The following LGR4 variants were observed in gnomAD, a reference collection of about 807,000 sequenced individuals.
LGR4 encodes the protein leucine rich repeat containing G protein-coupled receptor 4, also known as leucine-rich repeat-containing G protein-coupled receptor 4.
A neutral mutation model predicts 84.8 loss-of-function variants in LGR4; 44 were observed. The ratio of observed to expected loss-of-function variants is 0.52; its 90% confidence interval spans 0.41 to 0.67. The LOEUF (loss-of-function observed/expected upper bound fraction) is 0.67. LGR4 is among the 30% of genes least tolerant of loss of function. The probability of loss-of-function intolerance (pLI) is 0.00; values close to 1 mark genes in which losing one functional copy is unlikely to be tolerated. For missense variants in LGR4, 1,032 were observed against 1,131.4 expected (o/e 0.91, Z 1.26); for synonymous variants, 429 against 434.3 (o/e 0.99, Z 0.15).
intron 1 of LGR4, among the ~76,000 whole-genome samples, chr11:27,440,402 C>A (rs1335563304): frequency 2.0e-5 from 3 of 152,074 alleles, no homozygotes; most frequent in Admixed American, 1.3e-4. Context: ...CTATGTGACA[C>A]CTGTTTGTAT....
chr11:27,392,456 A>G lies in LGR4; in HGVS notation c.320T>C (p.Leu107Pro). 6.3e-7 allele frequency: 1 copy of G among 1,592,586 alleles called. No individual in the cohort carries two copies. Among genetic ancestry groups the G allele is most frequent in the Non-Finnish European group, 8.5e-7 (1 of 1,172,930 alleles). The part of the protein sequence containing the change: ...HPKALSGLKE[L>P]KVLTLQNNQL... ...AAATTGCATTACTTACAGAACTTTG[A>G]GTTCTTTCAACCCAGACAAGGCCTT... The change falls in exon 3 of 18, where the codon CTC (leucine) becomes CCC (proline). Residue 107 changes from leucine (L) to proline (P), a missense_variant. Transcript: ENST00000379214.
At chr11:27,453,969 A>G (rs1391081337) in intron 1 of LGR4, among the ~76,000 whole-genome samples, 1 of 152,182 alleles carries the variant, frequency 6.6e-6, no homozygotes, top group Non-Finnish European at 1.5e-5. Context: ...CATTAGCATC[A>G]ACACAGACCT....
rs1201947437 is a variant in LGR4, at chr11:27,391,183, G to A, written c.330-18C>T. ...GGAGCGTTCTGAAAGAAAATTTTTG[G>A]TTAGTGAGTAACAAGTGATAGTTAC... On this transcript the variant is annotated intron_variant, in intron 3 of 17. Transcript: ENST00000379214. The A allele has an allele frequency of 6.8e-7, 1 of 1,472,026 alleles. No homozygotes were observed. Among genetic ancestry groups the A allele is most frequent in the Non-Finnish European group, 9.3e-7 (1 of 1,070,760 alleles). The allele number at this position is 1,472,026 out of a possible 1,614,324, so 91.2% of individuals were successfully genotyped here.
intron 2 of LGR4, among the ~76,000 whole-genome samples, chr11:27,405,749 T>G (rs1863594966): frequency 6.6e-6 from 1 of 152,150 alleles, no homozygotes; most frequent in East Asian, 1.9e-4. Flanking sequence ...CATAACATCT[T>G]TTGAATAGGT....
intron 1 of LGR4, among the ~76,000 whole-genome samples, chr11:27,462,737 C>G (rs1864704388): frequency 6.6e-6 from 1 of 152,076 alleles, no homozygotes; most frequent in Non-Finnish European, 1.5e-5. Context: ...TTCCTTGGTG[C>G]AACCCTGAAG....
At chr11:27,407,050 G>A (rs1414960047) in intron 2 of LGR4, among the ~76,000 whole-genome samples, 1 of 152,154 alleles carries the variant, frequency 6.6e-6, no homozygotes, top group Non-Finnish European at 1.5e-5. Context: ...AGATGACATT[G>A]AACTCTGTAA....
At chr11:27,447,160 T>C (rs1283057665) in intron 1 of LGR4, among the ~76,000 whole-genome samples, 5 of 151,892 alleles carry the variant, frequency 3.3e-5, no homozygotes, top group Non-Finnish European at 7.4e-5. Flanking sequence ...GTTGTACACA[T>C]GTACCCTAGA....
chr11:27,442,574 G>C (rs912797881), intron 1 of LGR4, among the ~76,000 whole-genome samples: 3 of 152,146 alleles, frequency 2.0e-5, no homozygotes, highest in Non-Finnish European at 2.9e-5. Context: ...TTACCACTAT[G>C]TTGTCAACAA....
At chr11:27,384,514 A>G (rs772009331) in intron 5 of LGR4, 107 bp from the exon 6 acceptor site, 31 of 776,102 alleles carry the variant, frequency 4.0e-5, no homozygotes, top group Non-Finnish European at 6.3e-5. Flanking sequence ...GTAGCTAAAC[A>G]TATCAACAGC....
At chr11:27,439,679 A>G (rs1458698589) in intron 1 of LGR4, among the ~76,000 whole-genome samples, 5 of 152,166 alleles carry the variant, frequency 3.3e-5, no homozygotes, top group Non-Finnish European at 7.3e-5. Flanking sequence ...TATGTCATTT[A>G]ACATTCCCTT....
At chr11:27,373,244 C>T in intron 15 of LGR4, 1 of 195,414 alleles carries the variant, frequency 5.1e-6, no homozygotes, top group Admixed American at 5.9e-5. Flanking sequence ...TTGTTTTCTG[C>T]AGGTTCACAT....
chr11:27,398,034 A>G (rs533989958), intron 2 of LGR4, among the ~76,000 whole-genome samples: 1 of 152,348 alleles, frequency 6.6e-6, no homozygotes, highest in Non-Finnish European at 1.5e-5. Flanking sequence ...GTCTCTATGA[A>G]TCTCTTTTGT....
intron 2 of LGR4, among the ~76,000 whole-genome samples, chr11:27,407,096 T>C (rs1248439440): frequency 2.6e-5 from 4 of 152,204 alleles, no homozygotes; most frequent in Non-Finnish European, 5.9e-5. Context: ...CTAACTGTGT[T>C]ACTTTGGACA....
rs1446058730 is a variant in LGR4 at position 27,369,133 on chromosome 11, C to T, written c.1590G>A (p.Lys530=). 1.3e-6 allele frequency: 2 copies of T among 1,583,484 alleles called. No homozygotes were observed. The highest frequency in any genetic ancestry group is 2.7e-5 in the African/African-American group (2 of 73,382). The change falls in exon 18 of 18, where the codon AAG becomes AAA. Residue 530 remains lysine (K), a synonymous_variant. Coordinates refer to ENST00000379214, the MANE Select transcript of LGR4 (RefSeq NM_018490.5). The part of the protein sequence containing the change: ...IHCTPSTGAF[K]PCEYLLGSWM... ...AGCTTCCCAGTAAATATTCACAGGG[C>T]TTAAAAGCACCTAAAAAAAACACAC...
At chr11:27,449,710 C>T (rs1411486136) in intron 1 of LGR4, among the ~76,000 whole-genome samples, 2 of 151,918 alleles carry the variant, frequency 1.3e-5, no homozygotes, top group Non-Finnish European at 2.9e-5. Context: ...TATATCATTT[C>T]TGAGAAAAAT....
At chr11:27,385,795 G>C (rs2133373709) in intron 4 of LGR4, among the ~76,000 whole-genome samples, 1 of 134,524 alleles carries the variant, frequency 7.4e-6, no homozygotes, top group African/African-American at 2.8e-5. Flanking sequence ...TTATGTTTTA[G>C]AGCATAATTA....
intron 2 of LGR4, 43 bp downstream of exon 2, chr11:27,412,746 G>A (rs1239401549): frequency 8.7e-7 from 1 of 1,155,192 alleles, no homozygotes; most frequent in Admixed American, 1.7e-5. Flanking sequence ...AAAATGAATT[G>A]GGGAAAAAGA....
chr11:27,375,897 C>A (rs562588361), intron 13 of LGR4, among the ~76,000 whole-genome samples: 17 of 150,030 alleles, frequency 1.1e-4, no homozygotes, highest in African/African-American at 3.4e-4. Flanking sequence ...TATAAAGTTG[C>A]AAGTCTAAAA....
intron 4 of LGR4, among the ~76,000 whole-genome samples, chr11:27,390,223 A>G (rs1863258045): frequency 6.6e-6 from 1 of 152,118 alleles, no homozygotes; most frequent in South Asian, 2.1e-4. Context: ...TTCACGCTGT[A>G]TTTTCTAACT....
Sources: allele counts gnomAD v4.1 joint callset (sites outside exome capture counted in the v4.1 genomes callset), GRCh38; gene constraint gnomAD v4.1.1; transcripts MANE v1.5; gene names NCBI Gene and HGNC (gene_info 2026-07-23, HGNC 2026-07-21).